BCL2L13: variants seen among roughly 807,000 people sequenced by gnomAD.
BCL2L13 encodes BCL2 like 13, also known as bcl-2-like protein 13.
BCL2L13 carries 13 observed loss-of-function variants against 25.8 expected under a neutral mutation model. That is an observed-to-expected ratio of 0.50 (90% confidence interval 0.33 to 0.80). The LOEUF (loss-of-function observed/expected upper bound fraction) is 0.80, where lower values mean the gene tolerates loss of function less well. BCL2L13 is among the 30% of genes least tolerant of loss of function. The probability of loss-of-function intolerance (pLI) is 0.02; values close to 1 mark genes in which losing one functional copy is unlikely to be tolerated. For synonymous variants in BCL2L13, 244 were observed against 230.3 expected (o/e 1.06, Z -0.54); for missense variants, 504 against 574.9 (o/e 0.88, Z 1.26).
In BCL2L13 at chr22:17,655,737, T is replaced by C. The variant is rs1315801476; in HGVS notation, c.26T>C (p.Leu9Pro). Reference protein sequence around the residue: MASSSTVPLGFHYETKYVV... With the variant: MASSSTVPPGFHYETKYVV... ...ATGGCGTCCTCTTCTACTGTGCCTC[T>C]GGGATTTCACTATGAAACAAAGTAT... The change falls in exon 2 of 7, where the codon CTG becomes CCG. Residue 9 changes from leucine to proline, a missense_variant. Transcript: ENST00000317582. The C allele has an allele frequency of 6.2e-7, 1 of 1,613,538 alleles. No individual in the cohort carries two copies. The highest frequency in any genetic ancestry group is 1.7e-5 in the Admixed American group (1 of 59,974).
chr22:17,631,688 A>ATATATATATATT (rs2058025723), intron 1 of BCL2L13, among the ~76,000 whole-genome samples: 1 of 48,124 alleles, frequency 2.1e-5, no homozygotes, highest in African/African-American at 7.2e-5. Flanking sequence ...ATATATATAT[A>ATATATATATATT]TATATATATA....
At chr22:17,633,457 T>C (rs1008776887) in intron 1 of BCL2L13, among the ~76,000 whole-genome samples, 1 of 152,196 alleles carries the variant, frequency 6.6e-6, no homozygotes, top group African/African-American at 2.4e-5. Flanking sequence ...TTAAAACATA[T>C]TTTCAGACAA....
Position 17,706,872 on chromosome 22 carries a change from C to A in BCL2L13, c.600+4486C>A, listed in dbSNP as rs778468907. 9.1e-6 allele frequency: 12 copies of A among 1,321,122 alleles called. No individual in the cohort carries two copies. In the South Asian group the frequency reaches 1.4e-4, roughly 15 times the overall value. The allele number at this position is 1,321,122 out of a possible 1,614,324, so 81.8% of individuals were successfully genotyped here. On this transcript the variant is annotated intron_variant, in intron 6 of 6. Transcript: ENST00000317582. ...CTCCGTCGTCACATGATAAATACTT[C>A]TTGTGAAAGATTTACTTTTAGATTC...
chr22:17,685,179 G>A (rs1360239606), intron 3 of BCL2L13, among the ~76,000 whole-genome samples: 1 of 151,440 alleles, frequency 6.6e-6, no homozygotes, highest in East Asian at 2.0e-4. Context: ...TGGCCACTAT[G>A]TGGTCTTTTG....
chr22:17,697,708 CAG>C, intron 5 of BCL2L13, among the ~76,000 whole-genome samples: 1 of 152,226 alleles, frequency 6.6e-6, no homozygotes, highest in East Asian at 1.9e-4. Flanking sequence ...TCACTATTAA[CAG>C]AGTATTAGTA....
chr22:17,676,230 G>A (rs186913587), intron 2 of BCL2L13, among the ~76,000 whole-genome samples: 55 of 152,308 alleles, frequency 3.6e-4, no homozygotes, highest in Non-Finnish European at 7.2e-4. Flanking sequence ...GGGAGGCTGA[G>A]GCAGGCGGAT....
chr22:17,656,378 TCTCA>T (rs1444518003), intron 2 of BCL2L13, among the ~76,000 whole-genome samples: 1 of 114,112 alleles, frequency 8.8e-6, no homozygotes, highest in Non-Finnish European at 1.7e-5. Flanking sequence ...TGGGACAGAG[TCTCA>T]CTCTCTCTCT....
intron 6 of BCL2L13, among the ~76,000 whole-genome samples, chr22:17,705,254 C>T (rs2030676153): frequency 6.6e-6 from 1 of 150,710 alleles, no homozygotes; most frequent in African/African-American, 2.4e-5. Context: ...GCCTGGGCAA[C>T]AAGAGCGAAA....
At chr22:17,640,520 A>C (rs1289313368) in intron 1 of BCL2L13, among the ~76,000 whole-genome samples, 1 of 152,114 alleles carries the variant, frequency 6.6e-6, no homozygotes, top group African/African-American at 2.4e-5. Context: ...TATCACACAC[A>C]TTAAGCTTTT....
chr22:17,726,928 A>AG lies in BCL2L13; in HGVS notation c.853dup (p.Glu285GlyfsTer15). On this transcript the variant is annotated frameshift_variant, in exon 7 of 7. Transcript: ENST00000317582. LOFTEE classifies it low-confidence loss of function (END_TRUNC). ...GGCAGCAGATTGCAATGGATCCTGA[A>AG]GAAGTGAAAAGCTTAGACAGCAACG... The AG allele has an allele frequency of 6.2e-7, 1 of 1,614,216 alleles. No homozygotes were observed. Among genetic ancestry groups the AG allele is most frequent in the African/African-American group, 1.3e-5 (1 of 75,062 alleles).
chr22:17,719,860 A>G (rs1173408086), intron 6 of BCL2L13, among the ~76,000 whole-genome samples: 1 of 150,106 alleles, frequency 6.7e-6, no homozygotes, highest in Non-Finnish European at 1.5e-5. Context: ...AGAATGAAGT[A>G]TGGATACATG....
upstream of BCL2L13, among the ~76,000 whole-genome samples, chr22:17,636,803 A>G (rs1363389614): frequency 1.3e-5 from 2 of 152,236 alleles, no homozygotes; most frequent in South Asian, 2.1e-4. Flanking sequence ...CGAGAAAATA[A>G]TAATAAAAAA....
chr22:17,634,744 A>C (rs1601431184), upstream of BCL2L13, among the ~76,000 whole-genome samples: 1 of 151,796 alleles, frequency 6.6e-6, no homozygotes, highest in Non-Finnish European at 1.5e-5. Context: ...GGAGTTTGAG[A>C]CCAGCCTGGG....
chr22:17,654,008 T>G (rs541709640), intron 1 of BCL2L13, among the ~76,000 whole-genome samples: 1 of 152,244 alleles, frequency 6.6e-6, no homozygotes, highest in African/African-American at 2.4e-5. Flanking sequence ...ATTTATCATG[T>G]TTGTCTTCAT....
chr22:17,714,398 G>A (rs2060854449), intron 6 of BCL2L13, among the ~76,000 whole-genome samples: 1 of 152,090 alleles, frequency 6.6e-6, no homozygotes, highest in Non-Finnish European at 1.5e-5. Flanking sequence ...GTTGCAGCGA[G>A]CCAAGATGGT....
In BCL2L13 at chr22:17,685,725, T is replaced by C. The variant is rs539521313; in HGVS notation, c.229+2404T>C. On this transcript the variant is annotated intron_variant, in intron 3 of 6. Transcript: ENST00000317582. ...GTGAATATTCTTGTGCAAGTTTTTG[T>C]GTGGACATATATTGCCCAATAATTT... Among the ~76,000 whole-genome samples, 3 of 149,984 alleles carry C rather than the reference T, an allele frequency of 2.0e-5. No individual in the cohort carries two copies. In the South Asian group the frequency reaches 6.4e-4, roughly 32 times the overall value.
At chr22:17,663,161 G>A (rs921438777) in intron 2 of BCL2L13, among the ~76,000 whole-genome samples, 3 of 152,130 alleles carry the variant, frequency 2.0e-5, no homozygotes, top group Admixed American at 2.0e-4. Context: ...GTGAGGTATT[G>A]CATCTGTCCT....
chr22:17,702,315 GC>G lies in BCL2L13; in HGVS notation c.530del (p.Ala177AspfsTer7). On this transcript the variant is annotated frameshift_variant, in exon 6 of 7. Transcript: ENST00000317582. LOFTEE classifies it high-confidence loss of function. ...AAGACGTGGTCAAGAACCTTTGAGCGCACTGCTGCAGTTTGGCGTGACATAC... is the reference window on the plus strand; with the variant it reads ...AAGACGTGGTCAAGAACCTTTGAGCGACTGCTGCAGTTTGGCGTGACATAC... ...LTRRGQEPLS[A>X]LLQFGVTYLE... The G allele has an allele frequency of 6.2e-7, 1 of 1,612,476 alleles. No homozygotes were observed. Among genetic ancestry groups the G allele is most frequent in the Non-Finnish European group, 8.5e-7 (1 of 1,179,226 alleles).
intron 6 of BCL2L13, among the ~76,000 whole-genome samples, chr22:17,714,395 C>T (rs5992803): frequency 0.11 from 17,009 of 151,116 alleles, 1,147 homozygotes; most frequent in African/African-American, 0.17. Context: ...GAGGTTGCAG[C>T]GAGCCAAGAT....
Sources: allele counts gnomAD v4.1 joint callset (sites outside exome capture counted in the v4.1 genomes callset), GRCh38; gene constraint gnomAD v4.1.1; transcripts MANE v1.5; gene names NCBI Gene and HGNC (gene_info 2026-07-23, HGNC 2026-07-21).